The following MSRA variants were observed in gnomAD, a reference collection of about 807,000 sequenced individuals.
The protein encoded by MSRA is methionine sulfoxide reductase A.
MSRA carries 54 observed loss-of-function variants against 31.3 expected under a neutral mutation model. That is an observed-to-expected ratio of 1.73 (90% confidence interval 1.39 to 2.17). MSRA has a LOEUF of 2.17. Among genes scored for constraint, MSRA ranks in the 30% most tolerant of loss-of-function variants. The pLI, the probability that MSRA is intolerant of heterozygous loss-of-function variation, is 0.00. For missense variants in MSRA, 507 were observed against 300.9 expected (o/e 1.69, Z -5.07); for synonymous variants, 169 against 116.5 (o/e 1.45, Z -2.90).
chr8:10,299,858 T>C (rs1800748538), intron 3 of MSRA, among the ~76,000 whole-genome samples: 2 of 152,208 alleles, frequency 1.3e-5, no homozygotes, highest in African/African-American at 4.8e-5. Context: ...TTTAGAAACA[T>C]TGATTTAGAA....
At chr8:10,305,409 C>CTTTTTTTTT (rs549346544) in intron 4 of MSRA, among the ~76,000 whole-genome samples, 1 of 122,968 alleles carries the variant, frequency 8.1e-6, no homozygotes, top group Non-Finnish European at 1.6e-5. Context: ...TGTTTTCTTC[C>CTTTTTTTTT]TTTTTTTTTT....
At chr8:10,143,101 T>A (rs1378929156) in intron 1 of MSRA, among the ~76,000 whole-genome samples, 1 of 152,152 alleles carries the variant, frequency 6.6e-6, no homozygotes, top group Non-Finnish European at 1.5e-5. Flanking sequence ...TTAAGCGTAA[T>A]TTTTATCCAA....
intron 3 of MSRA, among the ~76,000 whole-genome samples, chr8:10,281,489 T>A (rs138200159): frequency 6.6e-6 from 1 of 152,320 alleles, no homozygotes; most frequent in African/African-American, 2.4e-5. Context: ...CGGCGGTGCT[T>A]ACTAACAAGC....
At position 10,054,451 on chromosome 8, in the gene MSRA, T is replaced by G; in HGVS notation, c.-66T>G. ...CGGCCGCGGACCCCACTCTCTGCCG[T>G]TCCGGCTGCGGCTCCGCTGCCGGTA... On this transcript the variant is annotated 5_prime_UTR_variant, in exon 1 of 6. Transcript: ENST00000317173. 1.5e-6 allele frequency: 2 copies of G among 1,376,762 alleles called. No individual in the cohort carries two copies. Among genetic ancestry groups the G allele is most frequent in the Admixed American group, 2.2e-5 (1 of 45,038 alleles). The allele number at this position is 1,376,762 out of a possible 1,614,324, so 85.3% of individuals were successfully genotyped here. A position where few individuals can be genotyped will look rare whatever the true frequency, so the allele number is the denominator to read the frequency against.
At chr8:10,391,161 T>C (rs373402484) in intron 5 of MSRA, among the ~76,000 whole-genome samples, 1 of 152,346 alleles carries the variant, frequency 6.6e-6, no homozygotes, top group African/African-American at 2.4e-5. Context: ...AATGTTAACC[T>C]CATTTGCATT....
chr8:10,399,800 C>A (rs1807331647), intron 5 of MSRA, among the ~76,000 whole-genome samples: 3 of 152,068 alleles, frequency 2.0e-5, no homozygotes, highest in Non-Finnish European at 1.5e-5. Context: ...GCGGCTGTAG[C>A]ATTGATTAGT....
intron 1 of MSRA, among the ~76,000 whole-genome samples, chr8:10,105,547 T>C (rs564528293): frequency 1.3e-5 from 2 of 152,340 alleles, no homozygotes; most frequent in African/African-American, 4.8e-5. Flanking sequence ...AGCACACCGA[T>C]AATGTAGGCA....
At chr8:10,307,666 C>T (rs1157208544) in intron 4 of MSRA, among the ~76,000 whole-genome samples, 5 of 152,208 alleles carry the variant, frequency 3.3e-5, no homozygotes, top group Admixed American at 3.3e-4. Flanking sequence ...CTAGATCTTG[C>T]CTGCTGCACA....
At chr8:10,172,110 A>G (rs1275185091) in intron 1 of MSRA, among the ~76,000 whole-genome samples, 1 of 152,228 alleles carries the variant, frequency 6.6e-6, no homozygotes, top group Non-Finnish European at 1.5e-5. Flanking sequence ...GGGGTCAGGA[A>G]TGGCAGGGTG....
At chr8:10,136,284 A>C (rs1349205608) in intron 1 of MSRA, among the ~76,000 whole-genome samples, 1 of 152,088 alleles carries the variant, frequency 6.6e-6, no homozygotes, top group African/African-American at 2.4e-5. Context: ...TATCTATCTC[A>C]ACTAGCTTCT....
rs150651715 is a variant in MSRA, at chr8:10,089,824, C to T, written c.142+35166C>T. Among the ~76,000 whole-genome samples the T allele has an allele frequency of 1.4e-4, 21 of 152,288 alleles. No homozygotes were observed. In the East Asian group the frequency reaches 1.9e-3, roughly 14 times the overall value. On this transcript the variant is annotated intron_variant, in intron 1 of 5. Transcript: ENST00000317173. ...TTTATAACAACCCAGTCTCAGGGAACGAATCTATTCCTTTAGAAACAGTCC... is the reference window on the plus strand; with the variant it reads ...TTTATAACAACCCAGTCTCAGGGAATGAATCTATTCCTTTAGAAACAGTCC...
intron 3 of MSRA, among the ~76,000 whole-genome samples, chr8:10,288,544 T>G (rs77489437): frequency 0.015 from 2,284 of 152,236 alleles, 51 homozygotes; most frequent in African/African-American, 0.047. Context: ...TGATTTTTTT[T>G]GGGGGGCTGT....
At chr8:10,155,778 G>A (rs1190789635) in intron 1 of MSRA, among the ~76,000 whole-genome samples, 1 of 152,116 alleles carries the variant, frequency 6.6e-6, no homozygotes, top group African/African-American at 2.4e-5. Context: ...TGAGTCCACA[G>A]TGATGAGAGT....
chr8:10,116,675 A>G (rs960270061), intron 1 of MSRA, among the ~76,000 whole-genome samples: 2 of 152,132 alleles, frequency 1.3e-5, no homozygotes, highest in East Asian at 1.9e-4. Flanking sequence ...TAGATTTTAC[A>G]TATGATGGAG....
intron 1 of MSRA, among the ~76,000 whole-genome samples, chr8:10,156,666 ATG>A (rs2129039859): frequency 6.6e-6 from 1 of 152,268 alleles, no homozygotes; most frequent in Non-Finnish European, 1.5e-5. Flanking sequence ...TTTCTGCAAG[ATG>A]AGCATATTCT....
At chr8:10,066,936 T>G (rs994826103) in intron 1 of MSRA, among the ~76,000 whole-genome samples, 1 of 151,954 alleles carries the variant, frequency 6.6e-6, no homozygotes, top group Non-Finnish European at 1.5e-5. Flanking sequence ...AGTACAGAGT[T>G]CCCATACACA....
intron 1 of MSRA, among the ~76,000 whole-genome samples, chr8:10,193,523 G>A (rs990492082): frequency 7.9e-5 from 12 of 152,158 alleles, no homozygotes; most frequent in African/African-American, 2.2e-4. Context: ...CCAAGCAGAC[G>A]GTGCTGCTAT....
Position 10,132,989 on chromosome 8 carries a change from C to T in MSRA, c.143-74844C>T, listed in dbSNP as rs909035357. Among the ~76,000 whole-genome samples the T allele has an allele frequency of 4.6e-5, 7 of 152,254 alleles. No homozygotes were observed. The East Asian group carries it at 1.4e-3, about 29-fold the overall frequency. ...AATATATTTCACTTGTAATAAGCAC[C>T]ATATGGGGTCCTGCCTTGGAGCTGA... On this transcript the variant is annotated intron_variant, in intron 1 of 5. Transcript: ENST00000317173.
intron 1 of MSRA, among the ~76,000 whole-genome samples, chr8:10,188,837 T>A (rs1563198229): frequency 6.6e-6 from 1 of 152,242 alleles, no homozygotes; most frequent in Non-Finnish European, 1.5e-5. Flanking sequence ...AGTTCCAAAT[T>A]GTTTTTGCTA....
Sources: gnomAD v4.1 joint callset for allele counts (sites outside exome capture counted in the v4.1 genomes callset) on GRCh38, gnomAD v4.1.1 for gene constraint, MANE v1.5 for transcripts, NCBI Gene and HGNC (gene_info 2026-07-23, HGNC 2026-07-21) for gene names.